Variants in RARB observed in about 807,000 individuals in gnomAD.
RARB encodes the protein retinoic acid receptor beta.
Under a neutral mutation model 51.9 loss-of-function variants are expected in RARB, and 17 were observed. That is an observed-to-expected ratio of 0.33 (90% CI 0.22 to 0.49). RARB has a LOEUF of 0.49. Ranked by LOEUF, RARB falls within the 20% of genes least tolerant of loss-of-function variation. The probability of loss-of-function intolerance (pLI) is 0.99; values close to 1 mark genes in which losing one functional copy is unlikely to be tolerated. For missense variants in RARB, 369 were observed against 550.8 expected (o/e 0.67, Z 3.30); for synonymous variants, 215 against 195.4 (o/e 1.10, Z -0.84).
At chr3:24,992,267 CT>C (rs1696928872) in intron 2 of RARB, among the ~76,000 whole-genome samples, 1 of 152,024 alleles carries the variant, frequency 6.6e-6, no homozygotes, top group Admixed American at 6.6e-5. Flanking sequence ...TATTTTCTTC[CT>C]TGTTTATGAG....
chr3:25,012,386 G>C (rs1017473178), intron 2 of RARB, among the ~76,000 whole-genome samples: 1 of 152,090 alleles, frequency 6.6e-6, no homozygotes, highest in African/African-American at 2.4e-5. Flanking sequence ...TTTTGATTCA[G>C]AAGGTCTTGA....
chr3:25,504,021 T>G (rs4527339), intron 3 of RARB, among the ~76,000 whole-genome samples: 8,965 of 152,232 alleles, frequency 0.059, 291 homozygotes, highest in Non-Finnish European at 0.078. Flanking sequence ...GTAGCGAGAT[T>G]AGCAAGATTC....
chr3:25,335,273 G>GGTA (rs879615848), intron 5 of RARB, among the ~76,000 whole-genome samples: 20,822 of 136,934 alleles, frequency 0.15, 1,547 homozygotes, highest in African/African-American at 0.22. Context: ...TGTCTCTCAT[G>GGTA]ATGACACACA....
intron 5 of RARB, among the ~76,000 whole-genome samples, chr3:25,363,679 C>T (rs546133163): frequency 1.3e-5 from 2 of 152,316 alleles, no homozygotes; most frequent in East Asian, 1.9e-4. Context: ...AGACCGTTTC[C>T]TTGCCTCCAC....
intron 5 of RARB, among the ~76,000 whole-genome samples, chr3:25,264,775 T>A (rs1703086775): frequency 6.6e-6 from 1 of 152,190 alleles, no homozygotes; most frequent in Non-Finnish European, 1.5e-5. Flanking sequence ...TACACACTTT[T>A]CTCCTTCTTC....
chr3:25,061,530 G>A (rs963657658), intron 3 of RARB, among the ~76,000 whole-genome samples: 8 of 151,516 alleles, frequency 5.3e-5, no homozygotes, highest in African/African-American at 1.9e-4. Flanking sequence ...TTTCTTCTCT[G>A]CTTGGTGTAG....
At chr3:24,984,106 A>T (rs1168651374) in intron 2 of RARB, among the ~76,000 whole-genome samples, 1 of 152,236 alleles carries the variant, frequency 6.6e-6, no homozygotes, top group Non-Finnish European at 1.5e-5. Flanking sequence ...TATAACCCAC[A>T]GTCATTACAA....
At chr3:25,382,982 A>G (rs756104784) in intron 5 of RARB, among the ~76,000 whole-genome samples, 8 of 152,194 alleles carry the variant, frequency 5.3e-5, no homozygotes, top group South Asian at 2.1e-4. Context: ...AGAAATCCTC[A>G]TGGAAGAACT....
chr3:25,443,622 T>TAA (rs11294103), intron 1 of RARB, among the ~76,000 whole-genome samples: 13 of 145,572 alleles, frequency 8.9e-5, no homozygotes, highest in South Asian at 2.2e-4. Flanking sequence ...AAAATATATA[T>TAA]AAAAAAAAAA....
chr3:25,212,048 G>T (rs1447260609), intron 5 of RARB, among the ~76,000 whole-genome samples: 1 of 152,144 alleles, frequency 6.6e-6, no homozygotes, highest in Admixed American at 6.5e-5. Context: ...TTTCTGTTTA[G>T]TGGGTTGGAG....
At chr3:25,416,239 A>G (rs1307684081) in intron 5 of RARB, among the ~76,000 whole-genome samples, 1 of 152,166 alleles carries the variant, frequency 6.6e-6, no homozygotes, top group African/African-American at 2.4e-5. Context: ...AATAAAAACA[A>G]TTAGTCAGGC....
At chr3:25,509,270 G>T (rs1303764613) in intron 3 of RARB, among the ~76,000 whole-genome samples, 2 of 152,208 alleles carry the variant, frequency 1.3e-5, no homozygotes, top group African/African-American at 4.8e-5. Context: ...TTGCAGGATT[G>T]TTTTGTGGAT....
intron 5 of RARB, among the ~76,000 whole-genome samples, chr3:25,389,575 T>A (rs6786555): frequency 0.015 from 2,215 of 152,284 alleles, 58 homozygotes; most frequent in African/African-American, 0.051. Context: ...GTTATCATAG[T>A]ACTTATAAGA....
chr3:25,557,137 T>TCACA (rs55731301), intron 3 of RARB, among the ~76,000 whole-genome samples: 8,473 of 145,344 alleles, frequency 0.058, 298 homozygotes, highest in Non-Finnish European at 0.083. Context: ...GGCATTGCAT[T>TCACA]CACACACACA....
intron 1 of RARB, among the ~76,000 whole-genome samples, chr3:25,444,416 A>G (rs1286954416): frequency 6.6e-6 from 1 of 152,238 alleles, no homozygotes; most frequent in Admixed American, 6.5e-5. Flanking sequence ...TACGTTTTTA[A>G]CAAAATGGGC....
At chr3:25,409,996 T>G (rs1319938165) in intron 5 of RARB, among the ~76,000 whole-genome samples, 1 of 152,210 alleles carries the variant, frequency 6.6e-6, no homozygotes, top group Non-Finnish European at 1.5e-5. Flanking sequence ...TTGCTTTAGA[T>G]CTTGACAATT....
chr3:25,048,804 G>A (rs1204224593), intron 2 of RARB, among the ~76,000 whole-genome samples: 1 of 133,464 alleles, frequency 7.5e-6, no homozygotes, highest in Non-Finnish European at 1.5e-5. Context: ...TGCCCAGGCT[G>A]GAGTGCAGTG....
intron 2 of RARB, among the ~76,000 whole-genome samples, chr3:25,000,579 CTG>C (rs1460581892): frequency 1.3e-5 from 2 of 151,970 alleles, no homozygotes; most frequent in Admixed American, 6.6e-5. Context: ...AAATTGGTGA[CTG>C]TAATTTATTC....
At chr3:25,005,641 A>G (rs1410238433) in intron 2 of RARB, among the ~76,000 whole-genome samples, 1 of 152,106 alleles carries the variant, frequency 6.6e-6, no homozygotes, top group Non-Finnish European at 1.5e-5. Context: ...CGTCATCTCC[A>G]CAATATCCTG....
Sources: allele counts gnomAD v4.1 joint callset (sites outside exome capture counted in the v4.1 genomes callset), GRCh38; gene constraint gnomAD v4.1.1; transcripts MANE v1.5; gene names NCBI Gene and HGNC (gene_info 2026-07-23, HGNC 2026-07-21).